FRMPD4: variants seen among roughly 807,000 people sequenced by gnomAD.
FRMPD4 encodes the protein FERM and PDZ domain containing 4.
In FRMPD4, 22 loss-of-function variants were observed where a neutral mutation model predicts 94.1. The ratio of observed to expected loss-of-function variants is 0.23; its 90% CI spans 0.17 to 0.33. The LOEUF is 0.33. FRMPD4 is among the 10% of genes least tolerant of loss of function. The pLI, the probability that FRMPD4 is intolerant of heterozygous loss-of-function variation, is 1.00. For missense variants in FRMPD4, 1,111 were observed against 1,339.9 expected (o/e 0.83, Z 2.67); for synonymous variants, 631 against 548.6 (o/e 1.15, Z -2.10).
chrX:11,845,620 A>G (rs1180655536), intron 1 of FRMPD4, among the ~76,000 whole-genome samples: 1 of 109,126 alleles, frequency 9.2e-6, no homozygotes, highest in African/African-American at 3.3e-5. Context: ...CATTGATGCA[A>G]AAATCCTCAA....
intron 11 of FRMPD4, among the ~76,000 whole-genome samples, chrX:12,705,228 C>A (rs1479019793): frequency 9.0e-6 from 1 of 111,522 alleles, no homozygotes; most frequent in Non-Finnish European, 1.9e-5. Context: ...GTAAGAGAAA[C>A]ACAAAGGAAA....
intron 3 of FRMPD4, among the ~76,000 whole-genome samples, chrX:11,914,588 G>A (rs376212489): frequency 2.7e-5 from 3 of 111,875 alleles, no homozygotes; most frequent in South Asian, 3.7e-4. Flanking sequence ...TGTTGTATGC[G>A]TGTGTTGTAG....
intron 4 of FRMPD4, among the ~76,000 whole-genome samples, chrX:12,641,385 C>T (rs767326808): frequency 9.0e-6 from 1 of 111,452 alleles, no homozygotes; most frequent in Non-Finnish European, 1.9e-5. Flanking sequence ...CCTGGGCTCA[C>T]GTTCCCCCTC....
intron 3 of FRMPD4, among the ~76,000 whole-genome samples, chrX:12,101,328 C>T (rs1279231644): frequency 1.8e-5 from 2 of 111,218 alleles, no homozygotes; most frequent in Non-Finnish European, 3.8e-5. Flanking sequence ...AAGCCTTATC[C>T]TGGTCTTTAG....
intron 4 of FRMPD4, among the ~76,000 whole-genome samples, chrX:12,639,204 G>T (rs1391673777): frequency 8.9e-6 from 1 of 111,962 alleles, no homozygotes; most frequent in African/African-American, 3.2e-5. Context: ...AGAACTCAAG[G>T]AGATCCAAAA....
At chrX:12,654,075 A>C (rs1039820558) in intron 4 of FRMPD4, among the ~76,000 whole-genome samples, 1 of 112,058 alleles carries the variant, frequency 8.9e-6, no homozygotes, top group African/African-American at 3.2e-5. Context: ...CCAGCCAAAA[A>C]CCATTAATTT....
At chrX:12,216,945 C>T (rs1018278342) in intron 1 of FRMPD4, among the ~76,000 whole-genome samples, 10 of 111,886 alleles carry the variant, frequency 8.9e-5, no homozygotes, top group African/African-American at 2.9e-4. Flanking sequence ...AGCAAGGTTT[C>T]TGCTCTGCCC....
intron 1 of FRMPD4, among the ~76,000 whole-genome samples, chrX:12,463,680 TG>T (rs372924003): frequency 0.011 from 645 of 58,652 alleles, 11 homozygotes; most frequent in African/African-American, 0.04. Context: ...CCTATGTGTG[TG>T]TTTTTTTTTT....
intron 4 of FRMPD4, among the ~76,000 whole-genome samples, chrX:12,630,531 A>C (rs903886461): frequency 1.8e-5 from 2 of 112,110 alleles, no homozygotes; most frequent in Admixed American, 1.9e-4. Flanking sequence ...AGAAATAATA[A>C]TGACAATAAA....
rs1359576287 is a variant in FRMPD4 at position 12,585,013 on chromosome X, C to T, written c.159-24708C>T. On this transcript the variant is annotated intron_variant, in intron 2 of 16. Transcript: ENST00000675598. The stretch of plus-strand genomic sequence containing the variant: ...TCTGTTCACTGCAACCTCCGCCTTC[C>T]GAGTTCAAGTGGTTCTGCTTCAGCC... Among the ~76,000 whole-genome samples the T allele has an allele frequency of 4.0e-4, 44 of 111,206 alleles. 1 individual carries two copies. Among genetic ancestry groups the T allele is most frequent in the African/African-American group, 1.4e-3 (43 of 30,570 alleles).
intron 1 of FRMPD4, among the ~76,000 whole-genome samples, chrX:12,474,146 C>G (rs1476292011): frequency 1.8e-5 from 2 of 109,990 alleles, no homozygotes; most frequent in Non-Finnish European, 3.8e-5. Flanking sequence ...AACTAGAACT[C>G]AGGATTAAGA....
intron 2 of FRMPD4, among the ~76,000 whole-genome samples, chrX:12,551,795 T>C (rs563486299): frequency 9.0e-6 from 1 of 111,166 alleles, no homozygotes; most frequent in African/African-American, 3.3e-5. Flanking sequence ...TTTGGAAGCA[T>C]AGGGGGTGTC....
intron 1 of FRMPD4, among the ~76,000 whole-genome samples, chrX:12,349,574 T>A (rs901763502): frequency 9.0e-5 from 10 of 111,314 alleles, no homozygotes; most frequent in African/African-American, 3.3e-4. Context: ...TAACTGAACA[T>A]GACATTTATG....
At chrX:12,462,614 G>C (rs758317872) in intron 1 of FRMPD4, among the ~76,000 whole-genome samples, 9 of 111,973 alleles carry the variant, frequency 8.0e-5, no homozygotes, top group African/African-American at 2.9e-4. Context: ...ACAAAGGTAT[G>C]CTTTTAAAAT....
chrX:12,004,701 T>G (rs1258232504), intron 3 of FRMPD4, among the ~76,000 whole-genome samples: 3 of 109,655 alleles, frequency 2.7e-5, no homozygotes, highest in Non-Finnish European at 5.7e-5. Context: ...CTTTTTTTTT[T>G]TTTTTCATCC....
chrX:11,968,421 A>G (rs756396135), intron 3 of FRMPD4, among the ~76,000 whole-genome samples: 6 of 111,871 alleles, frequency 5.4e-5, no homozygotes, highest in South Asian at 7.7e-4. Flanking sequence ...AATGAGACAC[A>G]GGGTTTATTG....
At chrX:12,576,156 C>T (rs760756348) in intron 2 of FRMPD4, among the ~76,000 whole-genome samples, 4 of 111,995 alleles carry the variant, frequency 3.6e-5, no homozygotes, top group African/African-American at 1.3e-4. Flanking sequence ...CTTCTGATCG[C>T]CAAAGCTCTT....
chrX:12,632,282 G>T (rs1483455835), intron 4 of FRMPD4, among the ~76,000 whole-genome samples: 1 of 111,121 alleles, frequency 9.0e-6, no homozygotes, highest in Non-Finnish European at 1.9e-5. Flanking sequence ...CACCTTCAGG[G>T]TCCTCATCCC....
chrX:11,849,995 A>G (rs938731208), intron 1 of FRMPD4, among the ~76,000 whole-genome samples: 2 of 112,058 alleles, frequency 1.8e-5, no homozygotes, highest in African/African-American at 3.2e-5. Flanking sequence ...AAGCCAACCT[A>G]TGGAATGGGA....
Sources: allele counts gnomAD v4.1 joint callset (sites outside exome capture counted in the v4.1 genomes callset), GRCh38; gene constraint gnomAD v4.1.1; transcripts MANE v1.5; gene names NCBI Gene and HGNC (gene_info 2026-07-23, HGNC 2026-07-21).